The following ARHGEF33 variants were observed in gnomAD, a reference collection of about 807,000 sequenced individuals.
ARHGEF33 encodes DH and coiled-coil domain-containing protein ENSP00000381780.
ARHGEF33 carries 72 observed loss-of-function variants against 101.9 expected under a neutral mutation model. The observed-to-expected ratio is 0.71, with a 90% CI of 0.58 to 0.86. The LOEUF (loss-of-function observed/expected upper bound fraction) is 0.86, where lower values mean the gene tolerates loss of function less well. Among genes scored for constraint, ARHGEF33 ranks in the 40% least tolerant of loss-of-function variants. ARHGEF33 has a pLI of 0.00. For missense variants in ARHGEF33, 1,169 were observed against 1,111.3 expected (o/e 1.05, Z -0.74); for synonymous variants, 499 against 442.5 (o/e 1.13, Z -1.60).
At chr2:38,911,966 A>G (rs1666518193) in intron 2 of ARHGEF33, among the ~76,000 whole-genome samples, 1 of 152,230 alleles carries the variant, frequency 6.6e-6, no homozygotes, top group Non-Finnish European at 1.5e-5. Flanking sequence ...AAGGGGGTAA[A>G]AAGGGGGACC....
At chr2:38,919,261 C>T in intron 2 of ARHGEF33, 102 bp from the exon 3 acceptor site, 3 of 571,470 alleles carry the variant, frequency 5.2e-6, no homozygotes, top group Non-Finnish European at 6.3e-6. Flanking sequence ...TTGCATGTAC[C>T]TCAAGCTGTG....
In ARHGEF33 at chr2:38,943,892, T is replaced by A. The variant is rs1416230846; in HGVS notation, c.791-9T>A. The A allele has an allele frequency of 6.4e-7, 1 of 1,550,486 alleles. No homozygotes were observed. The highest frequency in any genetic ancestry group is 1.4e-5 in the African/African-American group (1 of 72,952). ...TTAATATCAAGTCCTCTTTGGTTTG[T>A]TTCTAAAGCTAAAAGACAGACTGTG... On this transcript the variant is annotated splice_polypyrimidine_tract_variant and intron_variant, in intron 9 of 17. Transcript: ENST00000409978.
chr2:38,971,424 C>T (rs747161855), intron 17 of ARHGEF33, among the ~76,000 whole-genome samples: 15 of 152,150 alleles, frequency 9.9e-5, no homozygotes, highest in East Asian at 1.9e-4. Flanking sequence ...GCCCTGCAGT[C>T]GGCCACGGTG....
intron 2 of ARHGEF33, among the ~76,000 whole-genome samples, chr2:38,898,692 G>T (rs141708883): frequency 8.6e-5 from 13 of 152,040 alleles, no homozygotes; most frequent in Non-Finnish European, 1.6e-4. Context: ...GAAAATATTA[G>T]TTTTACATCC....
chr2:38,966,034 T>G lies in ARHGEF33; in HGVS notation c.2372T>G (p.Phe791Cys). The G allele has an allele frequency of 6.4e-7, 1 of 1,551,698 alleles. No individual in the cohort carries two copies. The highest frequency in any genetic ancestry group is 8.7e-7 in the Non-Finnish European group (1 of 1,146,992). Reference protein sequence around the residue: ...REMHLEDTTRFCPKEERESEQ... With the variant: ...REMHLEDTTRCCPKEERESEQ... ...ATGCATTTAGAAGATACTACCAGATTCTGTCCCAAAGAAGAAAGAGAAAGT... is the reference window on the plus strand; with the variant it reads ...ATGCATTTAGAAGATACTACCAGATGCTGTCCCAAAGAAGAAAGAGAAAGT... Residue 791 changes from phenylalanine to cysteine, a missense_variant, in exon 17 of 18, where the codon TTC (phenylalanine) becomes TGC (cysteine). Phe to Cys is a radical substitution (Grantham distance 205, BLOSUM62 -2). Transcript: ENST00000409978.
At chr2:38,934,305 C>T (rs1305912576) in intron 7 of ARHGEF33, among the ~76,000 whole-genome samples, 1 of 152,176 alleles carries the variant, frequency 6.6e-6, no homozygotes, top group African/African-American at 2.4e-5. Context: ...GAATAAAGTC[C>T]AAGTTCCTTA....
intron 10 of ARHGEF33, among the ~76,000 whole-genome samples, chr2:38,949,040 C>G (rs1667523637): frequency 6.6e-6 from 1 of 152,114 alleles, no homozygotes; most frequent in East Asian, 1.9e-4. Flanking sequence ...GAGTGGAAGT[C>G]TTCCTCATAT....
rs1667844452 is a variant in ARHGEF33 at position 38,958,969 on chromosome 2, T to G, written c.1535+771T>G. On this transcript the variant is annotated intron_variant, in intron 15 of 17. Coordinates refer to ENST00000409978, the MANE Select transcript of ARHGEF33 (RefSeq NM_001145451.5). ...CATGTTGGCCAGGCTGGTCTCAAAC[T>G]CCTGACCTCAGGCGATCCGTCTGCC... Among the ~76,000 whole-genome samples the G allele has an allele frequency of 2.0e-5, 3 of 152,360 alleles. No individual in the cohort carries two copies. The South Asian group carries it at 6.2e-4, about 32-fold the overall frequency.
chr2:38,913,742 C>A (rs549583482), intron 2 of ARHGEF33, among the ~76,000 whole-genome samples: 2 of 150,940 alleles, frequency 1.3e-5, no homozygotes, highest in Admixed American at 1.3e-4. Flanking sequence ...TGCCACTGCA[C>A]TGGGGGACAG....
At chr2:38,943,654 A>G (rs1226974094) in intron 9 of ARHGEF33, among the ~76,000 whole-genome samples, 1 of 152,196 alleles carries the variant, frequency 6.6e-6, no homozygotes, top group Non-Finnish European at 1.5e-5. Flanking sequence ...TGGTGTCTCC[A>G]ATCCTTGAGC....
In ARHGEF33 at chr2:38,929,834, A is replaced by C; in HGVS notation, c.362+4A>C. 6.4e-7 allele frequency: 1 copy of C among 1,550,708 alleles called. No individual in the cohort carries two copies. Among genetic ancestry groups the C allele is most frequent in the Admixed American group, 2.0e-5 (1 of 50,896 alleles). On this transcript the variant is annotated splice_donor_region_variant and intron_variant, in intron 6 of 17. Coordinates refer to ENST00000409978, the MANE Select transcript of ARHGEF33 (RefSeq NM_001145451.5). ...AATCTCGAAAAGTTAAAGCCAAGTG[A>C]GTGTCTTTTAAAAATGTACCAAAGG...
rs906550903 is a variant in ARHGEF33, at chr2:38,974,898, C to G, written c.*1055C>G. 6.6e-6 allele frequency: 1 copy of G among 152,028 alleles called. No individual in the cohort carries two copies. The highest frequency in any genetic ancestry group is 1.5e-5 in the Non-Finnish European group (1 of 67,928). The allele number at this position is 152,028 out of a possible 1,614,324, so 9.4% of individuals were successfully genotyped here. A position where few individuals can be genotyped will look rare whatever the true frequency, so the allele number is the denominator to read the frequency against. On this transcript the variant is annotated 3_prime_UTR_variant, in exon 18 of 18. Transcript: ENST00000409978. ...AGATTGCAACGAGGCCTGCCTGGCT[C>G]TGGGGTGATAAAATGTGCTCTGTTT...
chr2:38,896,834 C>G (rs750794428), intron 2 of ARHGEF33, among the ~76,000 whole-genome samples: 1 of 152,188 alleles, frequency 6.6e-6, no homozygotes, highest in African/African-American at 2.4e-5. Context: ...CTACCCCTAA[C>G]CCCATTCCTC....
chr2:38,913,879 G>A (rs1176904581), intron 2 of ARHGEF33, among the ~76,000 whole-genome samples: 5 of 151,586 alleles, frequency 3.3e-5, no homozygotes, highest in African/African-American at 7.3e-5. Context: ...CAGTTAATAC[G>A]TATTATTTAG....
chr2:38,953,936 G>A (rs941934129), intron 12 of ARHGEF33, among the ~76,000 whole-genome samples: 10 of 152,202 alleles, frequency 6.6e-5, no homozygotes, highest in Non-Finnish European at 1.0e-4. Context: ...TGTTTTCTGC[G>A]GCCAGGCCAG....
At chr2:38,930,924 G>A (rs757086646) in intron 6 of ARHGEF33, among the ~76,000 whole-genome samples, 185 bp from the exon 7 acceptor site, 3 of 152,174 alleles carry the variant, frequency 2.0e-5, no homozygotes, top group Non-Finnish European at 4.4e-5. Context: ...TCCAGCTGAG[G>A]TAATGAATTA....
intron 10 of ARHGEF33, among the ~76,000 whole-genome samples, chr2:38,944,902 C>CGT (rs57269243): frequency 1.4e-5 from 2 of 147,942 alleles, no homozygotes; most frequent in South Asian, 2.2e-4. Flanking sequence ...TGTGTGTGTG[C>CGT]GCGCTCATAG....
At chr2:38,940,918 G>A in intron 9 of ARHGEF33, among the ~76,000 whole-genome samples, 1 of 152,130 alleles carries the variant, frequency 6.6e-6, no homozygotes. Context: ...CTCTGGGTGA[G>A]GGCCACAGGA....
chr2:38,943,969 A>G lies in ARHGEF33; in HGVS notation c.859A>G (p.Ile287Val), dbSNP rs553719330. The change falls in exon 10 of 18, where the codon ATC (isoleucine) becomes GTC (valine). Residue 287 changes from isoleucine to valine, a missense_variant. Transcript: ENST00000409978. ...AAAATATGTCATTAACATCTCTCTG[A>G]TCTTGAAGATAAAAGCCACATTCCA... is the stretch of plus-strand genomic sequence containing the variant. ...ERKYVINISL[I>V]LKIKATFQGS... is the part of the protein sequence containing the mutation. 1.3e-6 allele frequency: 2 copies of G among 1,551,724 alleles called. No homozygotes were observed. Among genetic ancestry groups the G allele is most frequent in the Non-Finnish European group, 1.7e-6 (2 of 1,146,930 alleles).
Sources: allele counts gnomAD v4.1 joint callset (sites outside exome capture counted in the v4.1 genomes callset), GRCh38; gene constraint gnomAD v4.1.1; transcripts MANE v1.5; gene names NCBI Gene and HGNC (gene_info 2026-07-23, HGNC 2026-07-21).